NAGLU: variants seen among roughly 807,000 people sequenced by gnomAD.
The protein encoded by NAGLU is alpha-N-acetylglucosaminidase.
In NAGLU, 34 loss-of-function variants were observed where a neutral mutation model predicts 43.4. The ratio of observed to expected loss-of-function variants is 0.78; its 90% CI spans 0.60 to 1.04. The LOEUF is 1.04. Ranked by LOEUF, NAGLU falls within the 50% of genes least tolerant of loss-of-function variation. The pLI is 0.00. For missense variants in NAGLU, 910 were observed against 993.7 expected, an observed-to-expected ratio of 0.92 and a Z score of 1.13; for synonymous variants, 425 against 437.6, an observed-to-expected ratio of 0.97 and a Z score of 0.36.
rs2092913837 is a variant in NAGLU at position 42,538,705 on chromosome 17, G to C, written c.714G>C (p.Met238Ile). The C allele has an allele frequency of 6.2e-7, 1 of 1,614,044 alleles. No homozygotes were observed. Among genetic ancestry groups the C allele is most frequent in the Non-Finnish European group, 8.5e-7 (1 of 1,180,036 alleles). The part of the protein sequence containing the change: ...RVLDQMRSFG[M>I]TPVLPAFAGH... ...TGGACCAGATGCGCTCCTTCGGCAT[G>C]ACCCCAGTGCTGCCTGCATTCGCGG... is the stretch of plus-strand genomic sequence containing the variant. The change falls in exon 4 of 6, where the codon ATG (methionine) becomes ATC (isoleucine). Residue 238 changes from methionine (M) to isoleucine (I), a missense_variant. Transcript: ENST00000225927.
At position 42,538,727 on chromosome 17, in the gene NAGLU, G is replaced by A. The variant is rs1415169705; in HGVS notation, c.736G>A (p.Ala246Thr). Residue 246 changes from alanine (A) to threonine (T), a missense_variant, in exon 4 of 6, where the codon GCG (alanine) becomes ACG (threonine). Coordinates refer to ENST00000225927, the MANE Select transcript of NAGLU (RefSeq NM_000263.4). The stretch of plus-strand genomic sequence containing the variant: ...CATGACCCCAGTGCTGCCTGCATTC[G>A]CGGGGCATGTTCCCGAGGCTGTCAC... ...FGMTPVLPAF[A>T]GHVPEAVTRV... 7.4e-6 allele frequency: 12 copies of A among 1,613,894 alleles called. No individual in the cohort carries two copies. Among genetic ancestry groups the A allele is most frequent in the East Asian group, 4.5e-5 (2 of 44,900 alleles).
In NAGLU at chr17:42,536,546, T is replaced by C. The variant is rs1555621454; in HGVS notation, c.274T>C (p.Tyr92His). The change falls in exon 1 of 6, where the codon TAC becomes CAC. Residue 92 changes from tyrosine to histidine, a missense_variant. Coordinates refer to ENST00000225927, the MANE Select transcript of NAGLU (RefSeq NM_000263.4). ...GVAAAAGLHR[Y>H]LRDFCGCHVA... is the part of the protein sequence containing the mutation. ...GGCGGCCGCCGCGGGGCTGCACCGC[T>C]ACCTGCGCGACTTCTGTGGCTGCCA... 10 of 1,467,342 alleles carry C rather than the reference T, an allele frequency of 6.8e-6. No homozygotes were observed. The highest frequency in any genetic ancestry group is 9.0e-6 in the Non-Finnish European group (10 of 1,115,632). 90.9% of individuals were successfully genotyped at this position (1,467,342 alleles called of 1,614,324 possible). A position where few individuals can be genotyped will look rare whatever the true frequency, so the allele number is the denominator to read the frequency against.
chr17:42,540,399 T>TA lies in NAGLU; in HGVS notation c.765-535dup, dbSNP rs748272091. 3.4e-3 allele frequency among the ~76,000 whole-genome samples: 419 copies of TA among 123,778 alleles called. 3 individuals are homozygous for TA. The highest frequency in any genetic ancestry group is 0.02 in the Middle Eastern group (5 of 254). 81.2% of individuals were successfully genotyped at this position (123,778 alleles called of 152,430 possible). A position where few individuals can be genotyped will look rare whatever the true frequency, so the allele number is the denominator to read the frequency against. On this transcript the variant is annotated intron_variant, in intron 4 of 5. Transcript: ENST00000225927. ...CACAGAACTGAACTGAAAGTATAAT[T>TA]AAAAAAAAAAAAAAAAGCTGGGTGC...
intron 4 of NAGLU, among the ~76,000 whole-genome samples, chr17:42,539,107 C>T (rs938487689): frequency 2.6e-5 from 4 of 152,094 alleles, no homozygotes; most frequent in Non-Finnish European, 5.9e-5. Flanking sequence ...GGGTGACGAG[C>T]GAAACTCTGT....
chr17:42,537,589 G>A (rs1405218826), intron 2 of NAGLU, 44 bp downstream of exon 2: 5 of 1,608,216 alleles, frequency 3.1e-6, no homozygotes, highest in Admixed American at 1.7e-5. Flanking sequence ...TATGGCGGGA[G>A]CCACCGTAGG....
intron 1 of NAGLU, 35 bp downstream of exon 1, chr17:42,536,690 G>GCGCTTACCCCCTCCCGGAGC: frequency 7.1e-7 from 1 of 1,415,998 alleles, no homozygotes. Context: ...TCCGCCCGAG[G>GCGCTTACCCCCTCCCGGAGC]CGCTTACCCC....
In NAGLU at chr17:42,538,628, C is replaced by T. The variant is rs1408078174; in HGVS notation, c.679-42C>T. 3.7e-6 allele frequency: 6 copies of T among 1,612,708 alleles called. No individual in the cohort carries two copies. The African/African-American group carries it at 6.7e-5, about 18-fold the overall frequency. ...GGGAGATGAGGGCCTTCTCATAGGACAGCAGTGGCCATGCTCACCACCCTT... is the reference window on the plus strand; with the variant it reads ...GGGAGATGAGGGCCTTCTCATAGGATAGCAGTGGCCATGCTCACCACCCTT... On this transcript the variant is annotated intron_variant, in intron 3 of 5. Coordinates refer to ENST00000225927, the MANE Select transcript of NAGLU (RefSeq NM_000263.4).
Position 42,543,557 on chromosome 17 carries a change from G to A in NAGLU, c.1551G>A (p.Leu517=). 2 of 1,611,636 alleles carry A rather than the reference G, an allele frequency of 1.2e-6. No homozygotes were observed. The highest frequency in any genetic ancestry group is 1.7e-6 in the Non-Finnish European group (2 of 1,179,586). Residue 517 remains leucine, a synonymous_variant, in exon 6 of 6, where the codon CTG becomes CTA. Transcript: ENST00000225927. ...GCAGGGGCCACAATCGTAGCCCGCTGGTCAGGCGGCCGTCCCTACAGATGA... is the reference window on the plus strand; with the variant it reads ...GCAGGGGCCACAATCGTAGCCCGCTAGTCAGGCGGCCGTCCCTACAGATGA... ...EACRGHNRSP[L]VRRPSLQMNT... is the part of the protein sequence containing the mutation.
chr17:42,544,222 T>C lies in NAGLU; in HGVS notation c.2216T>C (p.Val739Ala), dbSNP rs922368939. 6.2e-7 allele frequency: 1 copy of C among 1,609,854 alleles called. No individual in the cohort carries two copies. Among genetic ancestry groups the C allele is most frequent in the Non-Finnish European group, 8.5e-7 (1 of 1,180,002 alleles). Reference protein sequence around the residue: ...KIFLKYYPRWVAGSW With the variant: ...KIFLKYYPRWAAGSW ...TTCCTCAAATATTACCCCCGCTGGGTGGCCGGCTCTTGGTGATAGATTCGC... is the reference window on the plus strand; with the variant it reads ...TTCCTCAAATATTACCCCCGCTGGGCGGCCGGCTCTTGGTGATAGATTCGC... The change falls in exon 6 of 6, where the codon GTG (valine) becomes GCG (alanine). Residue 739 changes from valine (V) to alanine (A), a missense_variant. Transcript: ENST00000225927.
In NAGLU at chr17:42,537,475, T is replaced by TA; in HGVS notation, c.462dup (p.Asp155ArgfsTer37). The TA allele has an allele frequency of 6.2e-7, 1 of 1,614,216 alleles. No individual in the cohort carries two copies. The highest frequency in any genetic ancestry group is 8.5e-7 in the Non-Finnish European group (1 of 1,180,034). On this transcript the variant is annotated frameshift_variant, in exon 2 of 6. Coordinates refer to ENST00000225927, the MANE Select transcript of NAGLU (RefSeq NM_000263.4). LOFTEE classifies it high-confidence loss of function. The stretch of plus-strand genomic sequence containing the variant: ...GACTGGGCCCGCTGGGAGCGAGAGA[T>TA]AGACTGGATGGCGCTGAATGGCATC...
chr17:42,544,410 CAA>C lies in NAGLU; in HGVS notation c.*174_*175del. On this transcript the variant is annotated 3_prime_UTR_variant, in exon 6 of 6. Coordinates refer to ENST00000225927, the MANE Select transcript of NAGLU (RefSeq NM_000263.4). ...AAATGACCTGCCCTCCACCACCACC[CAA>C]AGTGTGGGATTAAAGTACTGTTTTC... 1 of 936,992 alleles carries C rather than the reference CAA, an allele frequency of 1.1e-6. No homozygotes were observed. The highest frequency in any genetic ancestry group is 1.6e-6 in the Non-Finnish European group (1 of 620,000). 58.0% of individuals were successfully genotyped at this position (936,992 alleles called of 1,614,324 possible).
Position 42,543,661 on chromosome 17 carries a change from C to A in NAGLU, c.1655C>A (p.Thr552Asn). 1 of 1,613,178 alleles carries A rather than the reference C, an allele frequency of 6.2e-7. No individual in the cohort carries two copies. Among genetic ancestry groups the A allele is most frequent in the Non-Finnish European group, 8.5e-7 (1 of 1,180,008 alleles). ...CTCACATCTGCTCCCTCCCTGGCCACCAGCCCCGCCTTCCGCTACGACCTG... is the reference window on the plus strand; with the variant it reads ...CTCACATCTGCTCCCTCCCTGGCCAACAGCCCCGCCTTCCGCTACGACCTG... Reference protein sequence around the residue: ...LLLTSAPSLATSPAFRYDLLD... With the variant: ...LLLTSAPSLANSPAFRYDLLD... Residue 552 changes from threonine (T) to asparagine (N), a missense_variant, in exon 6 of 6, where the codon ACC becomes AAC. Physicochemically the swap from Thr to Asn is moderately conservative, Grantham distance 65. Transcript: ENST00000225927.
rs372165410 is a variant in NAGLU, at chr17:42,543,291, G to A, written c.1285G>A (p.Ala429Thr). Residue 429 changes from alanine (A) to threonine (T), a missense_variant, in exon 6 of 6, where the codon GCT becomes ACT. By Grantham distance (58) the Ala-to-Thr change is moderately conservative (BLOSUM62 0). Transcript: ENST00000225927. ...ALEAVNGGPE[A>T]ARLFPNSTMV... ...AGAGGCTGTGAACGGAGGCCCAGAA[G>A]CTGCCCGCCTCTTCCCCAACTCCAC... The A allele has an allele frequency of 1.2e-5, 19 of 1,613,702 alleles. No individual in the cohort carries two copies. The highest frequency in any genetic ancestry group is 1.6e-5 in the Non-Finnish European group (19 of 1,180,052).
intron 2 of NAGLU, 121 bp from the exon 3 acceptor site, chr17:42,538,218 C>A: frequency 6.7e-7 from 1 of 1,489,362 alleles, no homozygotes; most frequent in Non-Finnish European, 9.4e-7. Flanking sequence ...TGGCAGCGTT[C>A]GGATTTTGTC....
In NAGLU at chr17:42,543,948, T is replaced by G; in HGVS notation, c.1942T>G (p.Leu648Val). ...YEQNSRYQLT[L>V]WGPEGNILDY... is the part of the protein sequence containing the mutation. Reference sequence around the variant, plus strand: ...GCAGAACAGCCGCTACCAGCTGACCTTGTGGGGGCCAGAAGGCAACATCCT... The same window carrying G: ...GCAGAACAGCCGCTACCAGCTGACCGTGTGGGGGCCAGAAGGCAACATCCT... Residue 648 changes from leucine (L) to valine (V), a missense_variant, in exon 6 of 6, where the codon TTG (leucine) becomes GTG (valine). By Grantham distance (32) the Leu-to-Val change is conservative (BLOSUM62 1). Coordinates refer to ENST00000225927, the MANE Select transcript of NAGLU (RefSeq NM_000263.4). The G allele has an allele frequency of 6.2e-7, 1 of 1,609,040 alleles. No individual in the cohort carries two copies. Among genetic ancestry groups the G allele is most frequent in the Non-Finnish European group, 8.5e-7 (1 of 1,177,708 alleles).
chr17:42,541,319 A>G (rs772069118), intron 5 of NAGLU, 113 bp downstream of exon 5: 6 of 1,427,880 alleles, frequency 4.2e-6, no homozygotes, highest in South Asian at 2.4e-5. Context: ...CATAACACAC[A>G]GTACTTCATA....
intron 4 of NAGLU, 22 bp from the exon 5 acceptor site, chr17:42,540,928 C>G (rs756211996): frequency 2.5e-6 from 4 of 1,614,180 alleles, no homozygotes; most frequent in Non-Finnish European, 3.4e-6. Context: ...CATGAAATAT[C>G]TGAGCTTTTG....
intron 4 of NAGLU, among the ~76,000 whole-genome samples, chr17:42,540,695 CAA>C (rs369880072): frequency 4.8e-4 from 28 of 58,396 alleles, no homozygotes; most frequent in Admixed American, 5.8e-4. Flanking sequence ...GACTCTGCCT[CAA>C]AAAAAAAAAA....
chr17:42,536,573 G>A lies in NAGLU; in HGVS notation c.301G>A (p.Val101Met). Residue 101 changes from valine to methionine, a missense_variant, in exon 1 of 6, where the codon GTG becomes ATG. Val to Met is a conservative substitution (Grantham distance 21, BLOSUM62 1). Coordinates refer to ENST00000225927, the MANE Select transcript of NAGLU (RefSeq NM_000263.4). ...RYLRDFCGCH[V>M]AWSGSQLRLP... ...CCTGCGCGACTTCTGTGGCTGCCACGTGGCCTGGTCCGGCTCTCAGCTGCG... is the reference window on the plus strand; with the variant it reads ...CCTGCGCGACTTCTGTGGCTGCCACATGGCCTGGTCCGGCTCTCAGCTGCG... 1 of 1,484,544 alleles carries A rather than the reference G, an allele frequency of 6.7e-7. No individual in the cohort carries two copies. Among genetic ancestry groups the A allele is most frequent in the Non-Finnish European group, 8.9e-7 (1 of 1,124,954 alleles). 92.0% of individuals were successfully genotyped at this position (1,484,544 alleles called of 1,614,324 possible).
Sources: gnomAD v4.1 joint callset for allele counts (sites outside exome capture counted in the v4.1 genomes callset) on GRCh38, gnomAD v4.1.1 for gene constraint, MANE v1.5 for transcripts, NCBI Gene and HGNC (gene_info 2026-07-23, HGNC 2026-07-21) for gene names.